The following HS3ST5 variants were observed in gnomAD, a reference collection of about 807,000 sequenced individuals.
HS3ST5 encodes the protein heparan sulfate-glucosamine 3-sulfotransferase 5.
A neutral mutation model predicts 25.4 loss-of-function variants in HS3ST5; 10 were observed. That is an observed-to-expected ratio of 0.39 (90% CI 0.24 to 0.67). The LOEUF is 0.67. HS3ST5 is among the 30% of genes least tolerant of loss of function. The probability of loss-of-function intolerance (pLI) is 0.44; values close to 1 mark genes in which losing one functional copy is unlikely to be tolerated. For synonymous variants in HS3ST5, 170 were observed against 162.4 expected (o/e 1.05, Z -0.36); for missense variants, 324 against 420.7 (o/e 0.77, Z 2.01).
intron 3 of HS3ST5, among the ~76,000 whole-genome samples, chr6:114,113,350 G>A (rs181136682): frequency 5.5e-4 from 83 of 152,190 alleles, no homozygotes; most frequent in Non-Finnish European, 8.5e-4. Flanking sequence ...CATGCGCTAC[G>A]AAAATATATG....
intron 1 of HS3ST5, among the ~76,000 whole-genome samples, chr6:114,274,359 T>C (rs867556844): frequency 6.6e-6 from 1 of 152,044 alleles, no homozygotes; most frequent in African/African-American, 2.4e-5. Context: ...TAAGGATCCC[T>C]TGAAGTTAGT....
At chr6:114,317,699 T>C (rs758713226) in intron 1 of HS3ST5, among the ~76,000 whole-genome samples, 1 of 151,422 alleles carries the variant, frequency 6.6e-6, no homozygotes, top group Non-Finnish European at 1.5e-5. Flanking sequence ...ATGCTTATGC[T>C]TTACTTTGGG....
chr6:114,247,179 T>A (rs1772418158), intron 1 of HS3ST5, among the ~76,000 whole-genome samples: 2 of 152,224 alleles, frequency 1.3e-5, no homozygotes, highest in Non-Finnish European at 2.9e-5. Context: ...GAGGTTAAGC[T>A]TACACTGTTG....
chr6:114,309,954 T>A (rs1041389562), intron 1 of HS3ST5, among the ~76,000 whole-genome samples: 30 of 152,206 alleles, frequency 2.0e-4, no homozygotes, highest in Non-Finnish European at 2.9e-5. Context: ...AAAAAGTATC[T>A]ATATTTACGT....
chr6:114,316,315 A>G (rs1303401133), intron 1 of HS3ST5, among the ~76,000 whole-genome samples: 3 of 152,206 alleles, frequency 2.0e-5, no homozygotes, highest in African/African-American at 7.2e-5. Context: ...TCTTCCAACC[A>G]TATCACTACC....
chr6:114,271,183 G>A (rs1773624769), intron 1 of HS3ST5, among the ~76,000 whole-genome samples: 1 of 152,042 alleles, frequency 6.6e-6, no homozygotes, highest in Admixed American at 6.6e-5. Flanking sequence ...TTAAAACCTG[G>A]CTTCCAGTTG....
intron 3 of HS3ST5, among the ~76,000 whole-genome samples, chr6:114,067,139 T>C (rs914370298): frequency 1.3e-5 from 2 of 152,020 alleles, no homozygotes; most frequent in African/African-American, 4.8e-5. Flanking sequence ...GACTTCCAGA[T>C]CCTACTGGTG....
chr6:114,341,497 GAGC>G (rs1188782608), intron 1 of HS3ST5, among the ~76,000 whole-genome samples: 12 of 152,074 alleles, frequency 7.9e-5, no homozygotes, highest in Admixed American at 5.2e-4. Flanking sequence ...CAAGTAACAG[GAGC>G]AGGAGTCTCA....
chr6:114,188,481 G>A (rs965389675), intron 2 of HS3ST5, among the ~76,000 whole-genome samples: 2 of 152,104 alleles, frequency 1.3e-5, no homozygotes, highest in Admixed American at 1.3e-4. Flanking sequence ...ACAAATGAAC[G>A]TATCTTAAAG....
chr6:114,276,035 G>A (rs1022011858), intron 1 of HS3ST5, among the ~76,000 whole-genome samples: 2 of 151,802 alleles, frequency 1.3e-5, no homozygotes, highest in East Asian at 1.9e-4. Flanking sequence ...AACACCACCC[G>A]AAAATTATTT....
chr6:114,067,660 C>G (rs374652499), intron 3 of HS3ST5, among the ~76,000 whole-genome samples: 49 of 152,144 alleles, frequency 3.2e-4, no homozygotes, highest in African/African-American at 1.1e-3. Flanking sequence ...CTGATTTCTC[C>G]AGCATTTTGT....
intron 1 of HS3ST5, among the ~76,000 whole-genome samples, chr6:114,328,468 C>G (rs892256856): frequency 1.9e-4 from 29 of 152,226 alleles, no homozygotes; most frequent in African/African-American, 4.6e-4. Flanking sequence ...ACTTCTCATC[C>G]TTGTACAATC....
chr6:114,153,393 AATTTT>A (rs1159109165), intron 3 of HS3ST5, among the ~76,000 whole-genome samples: 1 of 152,164 alleles, frequency 6.6e-6, no homozygotes, highest in Non-Finnish European at 1.5e-5. Flanking sequence ...TATATTTCCT[AATTTT>A]ATAAGTGGCC....
At chr6:114,161,555 A>G (rs1293323381) in intron 3 of HS3ST5, among the ~76,000 whole-genome samples, 3 of 99,992 alleles carry the variant, frequency 3.0e-5, no homozygotes, top group Admixed American at 2.0e-4. Context: ...ATATATATAT[A>G]TATATATATA....
intron 3 of HS3ST5, among the ~76,000 whole-genome samples, chr6:114,163,625 T>G (rs1173661230): frequency 7.9e-5 from 12 of 152,282 alleles, no homozygotes; most frequent in Admixed American, 4.6e-4. Flanking sequence ...ATGAGAATAT[T>G]AATTTCTAAT....
At chr6:114,265,211 G>A (rs896578820) in intron 1 of HS3ST5, among the ~76,000 whole-genome samples, 6 of 152,088 alleles carry the variant, frequency 3.9e-5, no homozygotes, top group Admixed American at 3.9e-4. Flanking sequence ...GGCAGAAAGG[G>A]TGCCAAAAGA....
At chr6:114,281,358 T>G (rs935397226) in intron 1 of HS3ST5, among the ~76,000 whole-genome samples, 1 of 152,064 alleles carries the variant, frequency 6.6e-6, no homozygotes, top group Non-Finnish European at 1.5e-5. Flanking sequence ...TATAACACAC[T>G]TTTGTCCTGA....
chr6:114,177,342 G>T (rs1292101585), intron 2 of HS3ST5, among the ~76,000 whole-genome samples: 1 of 152,100 alleles, frequency 6.6e-6, no homozygotes, highest in Non-Finnish European at 1.5e-5. Context: ...AAACCTATGG[G>T]AACATAATGC....
intron 1 of HS3ST5, among the ~76,000 whole-genome samples, chr6:114,262,941 G>T (rs1773242464): frequency 6.6e-6 from 1 of 152,062 alleles, no homozygotes. Flanking sequence ...AATATAACCA[G>T]AATATTATTA....
Sources: allele counts gnomAD v4.1 joint callset (sites outside exome capture counted in the v4.1 genomes callset), GRCh38; gene constraint gnomAD v4.1.1; transcripts MANE v1.5; gene names NCBI Gene and HGNC (gene_info 2026-07-23, HGNC 2026-07-21).